The following VCPIP1 variants were observed in gnomAD, a reference collection of about 807,000 sequenced individuals.
VCPIP1 encodes valosin containing protein interacting protein 1, also known as deubiquitinating protein VCPIP1.
In VCPIP1, 8 loss-of-function variants were observed where a neutral mutation model predicts 85.0. The observed-to-expected ratio is 0.09, with a 90% CI of 0.06 to 0.17. The LOEUF (loss-of-function observed/expected upper bound fraction) is 0.17. Among genes scored for constraint, VCPIP1 ranks in the 10% least tolerant of loss-of-function variants. The pLI is 1.00. For missense variants in VCPIP1, 1,070 were observed against 1,486.3 expected (o/e 0.72, Z 4.61); for synonymous variants, 543 against 544.5 (o/e 1.00, Z 0.04).
intron 2 of VCPIP1, among the ~76,000 whole-genome samples, chr8:66,647,077 T>A (rs1416206670): frequency 2.0e-5 from 3 of 151,980 alleles, no homozygotes; most frequent in African/African-American, 7.3e-5. Context: ...GCATGGTGGC[T>A]CACGCCTGTA....
At chr8:66,638,023 T>C (rs1810906241) in intron 2 of VCPIP1, among the ~76,000 whole-genome samples, 1 of 152,232 alleles carries the variant, frequency 6.6e-6, no homozygotes, top group Non-Finnish European at 1.5e-5. Flanking sequence ...ATGACATGTA[T>C]AGTATTTATA....
At chr8:66,658,129 T>C (rs1222990169) in intron 1 of VCPIP1, among the ~76,000 whole-genome samples, 1 of 151,478 alleles carries the variant, frequency 6.6e-6, no homozygotes, top group Non-Finnish European at 1.5e-5. Flanking sequence ...AGGTCAGGAG[T>C]TCGAGACCAG....
At chr8:66,656,361 GTTTA>G (rs953345919) in intron 1 of VCPIP1, among the ~76,000 whole-genome samples, 41 of 151,944 alleles carry the variant, frequency 2.7e-4, no homozygotes, top group African/African-American at 9.7e-4. Context: ...CAGCCGCTAA[GTTTA>G]TTTATTTTTT....
intron 1 of VCPIP1, among the ~76,000 whole-genome samples, chr8:66,653,816 A>T (rs2130170760): frequency 6.6e-6 from 1 of 152,292 alleles, no homozygotes; most frequent in African/African-American, 2.4e-5. Context: ...TGATATTTGA[A>T]TTACACAGAT....
At chr8:66,639,048 G>C (rs1032852900) in intron 2 of VCPIP1, among the ~76,000 whole-genome samples, 7 of 150,634 alleles carry the variant, frequency 4.6e-5, no homozygotes, top group Non-Finnish European at 1.0e-4. Flanking sequence ...AGTGGTGTGT[G>C]ATCATGGCTC....
chr8:66,665,014 G>A lies in VCPIP1; in HGVS notation c.1945C>T (p.His649Tyr), dbSNP rs1811194441. ...GSEILVQKVV[H>Y]TILHQTAKKN... Reference sequence around the variant, plus strand: ...TTGGCAGTCTGATGCAATATAGTGTGGACAACTTTCTGAACTAGGATTTCA... The same window carrying A: ...TTGGCAGTCTGATGCAATATAGTGTAGACAACTTTCTGAACTAGGATTTCA... The change falls in exon 1 of 3, where the codon CAC (histidine) becomes TAC (tyrosine). Residue 649 changes from histidine to tyrosine, a missense_variant. This residue lies in a region of VCPIP1 where 278 missense variants were observed against 298.5 expected (regional missense o/e 0.93). Transcript: ENST00000310421. The surrounding 1 kb of genome is among the most constrained non-coding windows in gnomAD (Gnocchi z 4.3). 3 of 1,613,698 alleles carry A rather than the reference G, an allele frequency of 1.9e-6. No individual in the cohort carries two copies. Among genetic ancestry groups the A allele is most frequent in the Non-Finnish European group, 2.5e-6 (3 of 1,179,784 alleles).
At position 66,629,751 on chromosome 8, in the gene VCPIP1, G is replaced by C. The variant is rs1261115651; in HGVS notation, c.*4750C>G. 6.6e-6 allele frequency: 1 copy of C among 152,444 alleles called. No homozygotes were observed. Among genetic ancestry groups the C allele is most frequent in the Non-Finnish European group, 1.5e-5 (1 of 68,242 alleles). 9.4% of individuals were successfully genotyped at this position (152,444 alleles called of 1,614,324 possible). The stretch of plus-strand genomic sequence containing the variant: ...TAGTCCCAGCTATTCAGGAGGCTGA[G>C]GTGGGAGGATCACTTGAGCCCAGGA... On this transcript the variant is annotated 3_prime_UTR_variant, in exon 3 of 3. Coordinates refer to ENST00000310421, the MANE Select transcript of VCPIP1 (RefSeq NM_025054.5).
Position 66,651,059 on chromosome 8 carries a change from C to T in VCPIP1, c.2797+399G>A, listed in dbSNP as rs562436330. On this transcript the variant is annotated intron_variant, in intron 2 of 2. Coordinates refer to ENST00000310421, the MANE Select transcript of VCPIP1 (RefSeq NM_025054.5). ...AATTAGCCGGGCATGGTAGCACATG[C>T]CTATAATCCTAGCTACTCGAGAAGC... 3.3e-5 allele frequency among the ~76,000 whole-genome samples: 5 copies of T among 150,594 alleles called. 1 individual carries two copies. The highest frequency in any genetic ancestry group is 5.9e-5 in the Non-Finnish European group (4 of 67,726).
At chr8:66,651,411 A>T (rs371578870) in intron 2 of VCPIP1, 47 bp downstream of exon 2, 4 of 1,390,350 alleles carry the variant, frequency 2.9e-6, no homozygotes, top group Non-Finnish European at 3.0e-6. Flanking sequence ...ATCTTAAAAC[A>T]GCTTCAGTAG....
intron 2 of VCPIP1, among the ~76,000 whole-genome samples, chr8:66,641,987 T>A (rs899177459): frequency 6.6e-6 from 1 of 152,230 alleles, no homozygotes; most frequent in South Asian, 2.1e-4. Context: ...ATAGTAACTC[T>A]ACATTTAACC....
chr8:66,639,515 C>G (rs1033235214), intron 2 of VCPIP1, among the ~76,000 whole-genome samples: 2 of 150,918 alleles, frequency 1.3e-5, no homozygotes, highest in African/African-American at 4.9e-5. Flanking sequence ...CCACCATACA[C>G]AACAAATTTT....
chr8:66,655,787 A>G (rs1450152474), intron 1 of VCPIP1, among the ~76,000 whole-genome samples: 1 of 152,198 alleles, frequency 6.6e-6, no homozygotes, highest in Non-Finnish European at 1.5e-5. Flanking sequence ...CAATTATGTT[A>G]ATTTATATTT....
chr8:66,658,337 G>GAA (rs776440765), intron 1 of VCPIP1, among the ~76,000 whole-genome samples: 9 of 110,258 alleles, frequency 8.2e-5, no homozygotes, highest in Non-Finnish European at 9.4e-5. Flanking sequence ...CCATCTTGGG[G>GAA]AAAAAAAAAA....
chr8:66,648,716 G>A (rs1268518991), intron 2 of VCPIP1, among the ~76,000 whole-genome samples: 3 of 151,838 alleles, frequency 2.0e-5, no homozygotes, highest in African/African-American at 4.8e-5. Context: ...CACCACACCC[G>A]GCTAATTTTT....
chr8:66,657,824 CTAT>C (rs1196003724), intron 1 of VCPIP1, among the ~76,000 whole-genome samples: 1 of 152,076 alleles, frequency 6.6e-6, no homozygotes, highest in Non-Finnish European at 1.5e-5. Context: ...GGAACAGAAT[CTAT>C]TATTATCTAG....
At position 66,660,961 on chromosome 8, in the gene VCPIP1, T is replaced by G. The variant is rs554535624; in HGVS notation, c.2710+3288A>C. On this transcript the variant is annotated intron_variant, in intron 1 of 2. Coordinates refer to ENST00000310421, the MANE Select transcript of VCPIP1 (RefSeq NM_025054.5). ...GGGAGGCTGAGGCACGACAATTGCT[T>G]GAACCCAGGAGGCAGAGGTTGCAGT... Among the ~76,000 whole-genome samples the G allele has an allele frequency of 1.2e-4, 19 of 152,032 alleles. 1 individual carries two copies. In the South Asian group the frequency reaches 1.9e-3, roughly 15 times the overall value.
At chr8:66,659,460 T>C (rs891285551) in intron 1 of VCPIP1, among the ~76,000 whole-genome samples, 9 of 152,228 alleles carry the variant, frequency 5.9e-5, no homozygotes, top group Non-Finnish European at 8.8e-5. Flanking sequence ...TTCCATTTTA[T>C]AGTTCCTAAG....
At chr8:66,656,967 G>A (rs369418297) in intron 1 of VCPIP1, among the ~76,000 whole-genome samples, 12 of 152,076 alleles carry the variant, frequency 7.9e-5, no homozygotes, top group East Asian at 3.9e-4. Flanking sequence ...GTGCAGTGGC[G>A]CAATCTCTGT....
At chr8:66,651,692 A>G (rs1441983145) in intron 1 of VCPIP1, 148 bp from the exon 2 acceptor site, 1 of 569,652 alleles carries the variant, frequency 1.8e-6, no homozygotes, top group African/African-American at 1.9e-5. Flanking sequence ...GATGATACTG[A>G]GTGACAGATT....
Sources: allele counts gnomAD v4.1 joint callset (sites outside exome capture counted in the v4.1 genomes callset), GRCh38; gene constraint gnomAD v4.1.1; regional missense constraint gnomAD v4.1.1; non-coding constraint Gnocchi (gnomAD v3.1); transcripts MANE v1.5; gene names NCBI Gene and HGNC (gene_info 2026-07-23, HGNC 2026-07-21).